Variants in XNDC1N observed in about 807,000 individuals in gnomAD.
XNDC1N encodes protein XNDC1N.
At chr11:71,882,755 G>A in the XNDC1N span, among the ~76,000 whole-genome samples, 2 of 152,118 alleles carry the variant, frequency 1.3e-5, no homozygotes, top group Non-Finnish European at 2.9e-5. Flanking sequence ...GAACAATTAG[G>A]CAAGAAAAGG....
the XNDC1N span, among the ~76,000 whole-genome samples, chr11:71,870,891 G>A: frequency 5.0e-3 from 760 of 152,274 alleles, 12 homozygotes; most frequent in East Asian, 0.075. Context: ...AACAGGTGTG[G>A]GAGAGGATGT....
chr11:71,866,261 G>A, the XNDC1N span, among the ~76,000 whole-genome samples: 4 of 140,326 alleles, frequency 2.9e-5, no homozygotes, highest in East Asian at 2.1e-4. Flanking sequence ...AGAAATCCAC[G>A]TTTTAGGACA....
the XNDC1N span, among the ~76,000 whole-genome samples, chr11:71,883,737 T>C: frequency 6.6e-6 from 1 of 152,198 alleles, no homozygotes; most frequent in Admixed American, 6.5e-5. Flanking sequence ...ATTGGTATGT[T>C]TAAAGGGAAT....
the XNDC1N span, among the ~76,000 whole-genome samples, chr11:71,892,261 G>A: frequency 1.3e-5 from 2 of 151,964 alleles, no homozygotes; most frequent in South Asian, 2.1e-4. Context: ...AAATAACATC[G>A]CAGGGTGTAC....
chr11:71,919,907 G>A, the XNDC1N span, among the ~76,000 whole-genome samples: 11 of 124,500 alleles, frequency 8.8e-5, no homozygotes, highest in East Asian at 5.5e-4. Flanking sequence ...GTGAGCCACC[G>A]CGCCCAGCCA....
At chr11:71,892,568 T>C in the XNDC1N span, among the ~76,000 whole-genome samples, 1,316 of 152,044 alleles carry the variant, frequency 8.7e-3, 12 homozygotes, top group African/African-American at 0.03. Context: ...AGTATCTCCC[T>C]AGGATATCAA....
At chr11:71,875,546 G>T in the XNDC1N span, among the ~76,000 whole-genome samples, 1 of 151,950 alleles carries the variant, frequency 6.6e-6, no homozygotes, top group Non-Finnish European at 1.5e-5. Context: ...CCACTTGTGG[G>T]GTAAGAAGTG....
chr11:71,917,893 G>A, the XNDC1N span: 7 of 621,044 alleles, frequency 1.1e-5, no homozygotes, highest in African/African-American at 3.7e-5. Context: ...GAAAGGTTCA[G>A]CGATATGTGG....
chr11:71,896,096 G>C, the XNDC1N span, among the ~76,000 whole-genome samples: 1 of 152,226 alleles, frequency 6.6e-6, no homozygotes, highest in Non-Finnish European at 1.5e-5. Flanking sequence ...TGGCCAACAT[G>C]ATGAAACCCC....
the XNDC1N span, among the ~76,000 whole-genome samples, chr11:71,885,579 T>C: frequency 1.3e-5 from 2 of 152,144 alleles, no homozygotes. Context: ...AGTGTACACC[T>C]ACTGCGATAT....
the XNDC1N span, among the ~76,000 whole-genome samples, chr11:71,890,963 A>G: frequency 1.2e-4 from 19 of 152,062 alleles, no homozygotes; most frequent in African/African-American, 3.6e-4. Context: ...GCATATTGGG[A>G]ACAACATCAC....
At chr11:71,878,565 G>A in the XNDC1N span, 1 of 1,570,222 alleles carries the variant, frequency 6.4e-7, no homozygotes, top group African/African-American at 1.4e-5. Flanking sequence ...AAAAGAAAAT[G>A]CAAGGTCTTT....
the XNDC1N span, among the ~76,000 whole-genome samples, chr11:71,887,256 G>A: frequency 3.3e-5 from 5 of 152,332 alleles, no homozygotes; most frequent in Middle Eastern, 3.4e-3. Context: ...TTTCAGCAAA[G>A]CAAGCTTTCT....
chr11:71,867,319 C>G, the XNDC1N span, among the ~76,000 whole-genome samples: 1 of 152,194 alleles, frequency 6.6e-6, no homozygotes, highest in Admixed American at 6.5e-5. Flanking sequence ...GGCAACCATC[C>G]ATGGATAAAA....
chr11:71,865,613 C>G, the XNDC1N span: 1 of 180,170 alleles, frequency 5.6e-6, no homozygotes. Flanking sequence ...CCTCTAATTT[C>G]TAATTCTGAT....
chr11:71,878,403 C>T, the XNDC1N span: 8 of 1,601,996 alleles, frequency 5.0e-6, no homozygotes, highest in Non-Finnish European at 6.8e-6. Flanking sequence ...CACAGAAGTC[C>T]TCTTCATCTC....
chr11:71,895,361 G>A, the XNDC1N span, among the ~76,000 whole-genome samples: 7 of 146,808 alleles, frequency 4.8e-5, no homozygotes, highest in Non-Finnish European at 3.0e-5. Context: ...CCAGGCTGGA[G>A]TTCAATGGCA....
chr11:71,918,743 A>C, the XNDC1N span: 47 of 613,834 alleles, frequency 7.7e-5, 1 homozygote, highest in Non-Finnish European at 1.3e-4. Context: ...GGCAAGGGCC[A>C]CATTTCCCTT....
chr11:71,910,202 G>T, the XNDC1N span, among the ~76,000 whole-genome samples: 1 of 152,198 alleles, frequency 6.6e-6, no homozygotes, highest in African/African-American at 2.4e-5. Context: ...AGGACTACCA[G>T]CCGGTTCAGG....
Sources: gnomAD v4.1 joint callset for allele counts (sites outside exome capture counted in the v4.1 genomes callset) on GRCh38, gnomAD v4.1.1 for gene constraint, MANE v1.5 for transcripts, NCBI Gene and HGNC (gene_info 2026-07-23, HGNC 2026-07-21) for gene names.